Variants in IGSF11 observed in about 807,000 individuals in gnomAD.
IGSF11 encodes CXADR like 1.
In IGSF11, 22 loss-of-function variants were observed where a neutral mutation model predicts 41.0. The ratio of observed to expected loss-of-function variants is 0.54; its 90% CI spans 0.38 to 0.77. The LOEUF is 0.77. Among genes scored for constraint, IGSF11 ranks in the 30% least tolerant of loss-of-function variants. IGSF11 has a pLI of 0.00. For missense variants in IGSF11, 444 were observed against 530.8 expected (o/e 0.84, Z 1.61); for synonymous variants, 219 against 201.3 (o/e 1.09, Z -0.74).
intron 1 of IGSF11, among the ~76,000 whole-genome samples, chr3:119,008,143 G>T (rs1399422317): frequency 1.3e-5 from 2 of 152,056 alleles, no homozygotes; most frequent in Non-Finnish European, 2.9e-5. Flanking sequence ...CAGAAGAATA[G>T]ACTTTTCTTG....
intron 4 of IGSF11, among the ~76,000 whole-genome samples, chr3:118,911,120 T>C (rs1012193394): frequency 2.6e-5 from 4 of 152,002 alleles, no homozygotes; most frequent in Non-Finnish European, 4.4e-5. Flanking sequence ...TATGTGTGTG[T>C]GCACACACAC....
At chr3:119,103,084 G>A (rs193158323) in intron 1 of IGSF11, among the ~76,000 whole-genome samples, 4 of 145,418 alleles carry the variant, frequency 2.8e-5, no homozygotes, top group East Asian at 4.2e-4. Flanking sequence ...TGCAAGCTCC[G>A]CCTCCCGGGT....
chr3:118,962,078 T>G (rs1266207869), intron 1 of IGSF11, among the ~76,000 whole-genome samples: 2 of 152,216 alleles, frequency 1.3e-5, no homozygotes, highest in Non-Finnish European at 2.9e-5. Flanking sequence ...CAGGTGTAGT[T>G]TCTGTCTCTG....
At position 119,087,399 on chromosome 3, in the gene IGSF11, C is replaced by T. The variant is rs201138537; in HGVS notation, c.49+17745G>A. 2.9e-3 allele frequency among the ~76,000 whole-genome samples: 419 copies of T among 146,808 alleles called. 2 individuals carry two copies. The highest frequency in any genetic ancestry group is 0.011 in the East Asian group (56 of 4,976). The stretch of plus-strand genomic sequence containing the variant: ...ACACACACACACACACACACACACA[C>T]ACATACACACACACACACACACACC... On this transcript the variant is annotated intron_variant, in intron 1 of 6. Transcript: ENST00000354673.
chr3:119,013,127 T>C (rs1467330019), intron 1 of IGSF11: 7 of 152,230 alleles, frequency 4.6e-5, no homozygotes, highest in African/African-American at 1.7e-4. Context: ...CTTTCCCCAT[T>C]ACCTCCTTGC....
At chr3:119,092,147 G>A (rs2076773374) in intron 1 of IGSF11, among the ~76,000 whole-genome samples, 1 of 151,984 alleles carries the variant, frequency 6.6e-6, no homozygotes, top group African/African-American at 2.4e-5. Flanking sequence ...AAGTATGTGG[G>A]ATTACAGGTC....
At chr3:118,969,520 T>C (rs888439951) in intron 1 of IGSF11, among the ~76,000 whole-genome samples, 4 of 152,104 alleles carry the variant, frequency 2.6e-5, no homozygotes, top group African/African-American at 4.8e-5. Context: ...AGGCCATGTA[T>C]TACCAACAGC....
At chr3:119,126,296 C>G (rs2077404490) in intron 1 of IGSF11, among the ~76,000 whole-genome samples, 1 of 152,228 alleles carries the variant, frequency 6.6e-6, no homozygotes, top group Non-Finnish European at 1.5e-5. Flanking sequence ...CCTGACCCAT[C>G]CTTCCTCAGT....
chr3:119,108,951 G>A (rs1410943061), upstream of IGSF11, among the ~76,000 whole-genome samples: 3 of 128,232 alleles, frequency 2.3e-5, no homozygotes, highest in Non-Finnish European at 3.4e-5. Flanking sequence ...ACTTGATCAT[G>A]GTGGATAAGC....
At chr3:119,124,789 A>G (rs2077381078) in intron 1 of IGSF11, among the ~76,000 whole-genome samples, 1 of 152,176 alleles carries the variant, frequency 6.6e-6, no homozygotes, top group Admixed American at 6.5e-5. Flanking sequence ...CTAAACCTAG[A>G]GAAAGATATC....
At chr3:118,962,626 T>G (rs113491008) in intron 1 of IGSF11, among the ~76,000 whole-genome samples, 1,791 of 152,150 alleles carry the variant, frequency 0.012, 41 homozygotes, top group African/African-American at 0.041. Context: ...ACGACCAGTA[T>G]GTAGCCATAA....
chr3:119,013,575 T>G (rs1006773765), intron 1 of IGSF11, among the ~76,000 whole-genome samples: 3 of 152,236 alleles, frequency 2.0e-5, no homozygotes, highest in Non-Finnish European at 2.9e-5. Flanking sequence ...TCGATTCTTT[T>G]GACAATGTTT....
chr3:118,911,030 G>A (rs1296763678), intron 4 of IGSF11, among the ~76,000 whole-genome samples: 1 of 152,064 alleles, frequency 6.6e-6, no homozygotes, highest in Non-Finnish European at 1.5e-5. Context: ...GTGAGCTCTA[G>A]GATGGAGATA....
At chr3:118,926,320 G>A in intron 3 of IGSF11, 64 bp from the exon 4 acceptor site, 1 of 1,301,440 alleles carries the variant, frequency 7.7e-7, no homozygotes, top group Non-Finnish European at 1.1e-6. Context: ...TGATGGAGGA[G>A]ACATCAACAT....
chr3:119,034,975 C>A, upstream of IGSF11: 1 of 399,566 alleles, frequency 2.5e-6, no homozygotes, highest in Non-Finnish European at 3.5e-6. Context: ...GCGGCTCCAG[C>A]GCGACGCCTG....
rs1364470238 is a variant in IGSF11 at position 118,928,685 on chromosome 3, T to C, written c.248A>G (p.Asp83Gly). Residue 83 changes from aspartate (D) to glycine (G), a missense_variant, in exon 3 of 7, where the codon GAT (aspartate) becomes GGT (glycine). By Grantham distance (94) the Asp-to-Gly change is moderately conservative. This residue lies in a region of IGSF11 where 193 missense variants were observed against 283.5 expected (regional missense o/e 0.68). Coordinates refer to ENST00000393775, the MANE Select transcript of IGSF11 (RefSeq NM_001015887.3). Reference sequence around the variant, plus strand: ...CCTACCGTGGAACCGGGGGGCACCATCAAACATCTGTCCACCCTGATACAG... The same window carrying C: ...CCTACCGTGGAACCGGGGGGCACCACCAAACATCTGTCCACCCTGATACAG... ...VILYQGGQMF[D>G]GAPRFHGRVG... 3.1e-6 allele frequency: 5 copies of C among 1,613,914 alleles called. No homozygotes were observed. In the East Asian group the frequency reaches 1.1e-4, roughly 36 times the overall value.
At chr3:118,972,274 A>C (rs1246145048) in intron 1 of IGSF11, among the ~76,000 whole-genome samples, 1 of 152,206 alleles carries the variant, frequency 6.6e-6, no homozygotes, top group East Asian at 1.9e-4. Context: ...GTTTCCTTTA[A>C]GTACTGTAAC....
chr3:118,937,502 T>A (rs1217316026), intron 1 of IGSF11, among the ~76,000 whole-genome samples: 2 of 152,038 alleles, frequency 1.3e-5, no homozygotes, highest in Non-Finnish European at 2.9e-5. Context: ...CAAACTGCCA[T>A]CTCAACTAAA....
intron 1 of IGSF11, among the ~76,000 whole-genome samples, chr3:119,100,980 C>T (rs1056395741): frequency 2.6e-5 from 4 of 152,150 alleles, no homozygotes; most frequent in Admixed American, 2.6e-4. Context: ...TGGAATGCCA[C>T]CTCCATCTAT....
Sources: gnomAD v4.1 joint callset for allele counts (sites outside exome capture counted in the v4.1 genomes callset) on GRCh38, gnomAD v4.1.1 for gene constraint, gnomAD v4.1.1 regional missense constraint, MANE v1.5 for transcripts, NCBI Gene and HGNC (gene_info 2026-07-23, HGNC 2026-07-21) for gene names.